LIPI: variants seen among roughly 807,000 people sequenced by gnomAD.
The protein encoded by LIPI is lipase member I.
A neutral mutation model predicts 50.6 loss-of-function variants in LIPI; 59 were observed. That is an observed-to-expected ratio of 1.16 (90% CI 0.94 to 1.45). LIPI has a LOEUF of 1.45. Among genes scored for constraint, LIPI ranks in the 40% most tolerant of loss-of-function variants. LIPI has a pLI of 0.00. For missense variants in LIPI, 586 were observed against 536.3 expected (o/e 1.09, Z -0.92); for synonymous variants, 203 against 178.2 (o/e 1.14, Z -1.11).
Position 14,165,222 on chromosome 21 carries a change from C to T in LIPI, c.901+1G>A. On this transcript the variant is annotated splice_donor_variant, in intron 6 of 9. Transcript: ENST00000681601. LOFTEE classifies it high-confidence loss of function. ...ATAGTAACTATAATAATCTCTCTTA[C>T]CCAGCCGAGGACATGATTTTTCCTT... 1 of 1,600,594 alleles carries T rather than the reference C, an allele frequency of 6.2e-7. No individual in the cohort carries two copies. The highest frequency in any genetic ancestry group is 8.6e-7 in the Non-Finnish European group (1 of 1,168,294).
intron 1 of LIPI, among the ~76,000 whole-genome samples, chr21:14,199,721 G>A (rs1162744569): frequency 1.3e-5 from 2 of 151,438 alleles, no homozygotes; most frequent in Non-Finnish European, 1.5e-5. Context: ...AAAAAATGAG[G>A]AGGAGGGACT....
intron 9 of LIPI, among the ~76,000 whole-genome samples, chr21:14,117,130 C>T (rs1350489302): frequency 3.9e-5 from 6 of 152,266 alleles, no homozygotes; most frequent in Admixed American, 6.5e-5. Flanking sequence ...ATGCAGATGC[C>T]CCTCAGAGAA....
intron 9 of LIPI, among the ~76,000 whole-genome samples, chr21:14,120,337 T>C (rs192608311): frequency 3.3e-5 from 5 of 152,324 alleles, no homozygotes; most frequent in Non-Finnish European, 7.4e-5. Context: ...AGAGCACTAC[T>C]TCTAGCAAAG....
chr21:14,109,168 G>A, intron 9 of LIPI, 88 bp from the exon 10 acceptor site: 1 of 1,003,562 alleles, frequency 1.0e-6, no homozygotes, highest in Non-Finnish European at 1.6e-6. Context: ...TATTAGAATA[G>A]TCCATGCCTG....
At chr21:14,166,101 T>A (rs934672484) in intron 5 of LIPI, among the ~76,000 whole-genome samples, 1 of 152,138 alleles carries the variant, frequency 6.6e-6, no homozygotes, top group African/African-American at 2.4e-5. Flanking sequence ...TTACGACTTC[T>A]CCTAATGTTT....
At chr21:14,116,422 G>A (rs561510179) in intron 9 of LIPI, among the ~76,000 whole-genome samples, 1 of 152,156 alleles carries the variant, frequency 6.6e-6, no homozygotes. Flanking sequence ...GACCCGGTCT[G>A]GTGAATCTGA....
intron 8 of LIPI, among the ~76,000 whole-genome samples, chr21:14,147,641 CAAT>C (rs1380155147): frequency 6.6e-6 from 1 of 152,128 alleles, no homozygotes; most frequent in Non-Finnish European, 1.5e-5. Context: ...TAGAAGAACT[CAAT>C]AATTTGTAAT....
intron 1 of LIPI, among the ~76,000 whole-genome samples, chr21:14,207,801 A>C (rs2020264880): frequency 6.6e-6 from 1 of 152,202 alleles, no homozygotes; most frequent in Admixed American, 6.5e-5. Flanking sequence ...CACGGAAAAA[A>C]ACACAGTGGA....
At chr21:14,188,802 T>A (rs560494593) in intron 2 of LIPI, among the ~76,000 whole-genome samples, 1 of 152,224 alleles carries the variant, frequency 6.6e-6, no homozygotes, top group East Asian at 1.9e-4. Context: ...AATTTTAATA[T>A]AATGTTTTAA....
intron 6 of LIPI, 90 bp from the exon 7 acceptor site, chr21:14,163,613 T>C: frequency 2.7e-6 from 2 of 737,338 alleles, no homozygotes; most frequent in Non-Finnish European, 2.5e-6. Flanking sequence ...GATCAGTGCA[T>C]ATAATCATCA....
rs1437890364 is a variant in LIPI at position 14,171,415 on chromosome 21, C to T, written c.644-4964G>A. On this transcript the variant is annotated intron_variant, in intron 4 of 9. Coordinates refer to ENST00000681601, the MANE Select transcript of LIPI (RefSeq NM_001302998.2). Reference sequence around the variant, plus strand: ...AAGAGCCCGCATCGCCAAGTCAATCCTAAGCCAAAAGAACAAAGTTGGAGG... The same window carrying T: ...AAGAGCCCGCATCGCCAAGTCAATCTTAAGCCAAAAGAACAAAGTTGGAGG... 3.3e-5 allele frequency among the ~76,000 whole-genome samples: 5 copies of T among 151,058 alleles called. No homozygotes were observed. The East Asian group carries it at 9.7e-4, about 29-fold the overall frequency.
chr21:14,137,640 T>C (rs1458010855), intron 9 of LIPI, among the ~76,000 whole-genome samples: 2 of 151,576 alleles, frequency 1.3e-5, no homozygotes, highest in Admixed American at 6.6e-5. Flanking sequence ...AAAAAGGAGG[T>C]AGAGAAAGAG....
At chr21:14,141,689 G>A (rs1289954885) in intron 9 of LIPI, among the ~76,000 whole-genome samples, 2 of 152,148 alleles carry the variant, frequency 1.3e-5, no homozygotes. Context: ...AGTGGTAGCT[G>A]CCCTGGCATT....
At chr21:14,150,645 G>A (rs544694447) in intron 8 of LIPI, among the ~76,000 whole-genome samples, 2 of 152,172 alleles carry the variant, frequency 1.3e-5, no homozygotes, top group African/African-American at 4.8e-5. Flanking sequence ...AATAGATCAT[G>A]TGTGAATGTG....
intron 9 of LIPI, among the ~76,000 whole-genome samples, chr21:14,136,544 TG>T (rs1344858693): frequency 2.0e-5 from 3 of 152,180 alleles, no homozygotes; most frequent in Admixed American, 6.5e-5. Flanking sequence ...CCAGCTCAAC[TG>T]CAATATAGTA....
chr21:14,179,595 G>A (rs1046663204), intron 4 of LIPI, among the ~76,000 whole-genome samples: 2 of 152,116 alleles, frequency 1.3e-5, no homozygotes, highest in East Asian at 1.9e-4. Flanking sequence ...AGGAAGTCAG[G>A]GACCCCAAAT....
At chr21:14,117,691 G>A (rs1186764429) in intron 9 of LIPI, among the ~76,000 whole-genome samples, 1 of 152,172 alleles carries the variant, frequency 6.6e-6, no homozygotes, top group Non-Finnish European at 1.5e-5. Flanking sequence ...CCCAGAAGTG[G>A]CAGGGAATCA....
chr21:14,124,734 G>A (rs1244665191), intron 9 of LIPI, among the ~76,000 whole-genome samples: 1 of 152,182 alleles, frequency 6.6e-6, no homozygotes, highest in East Asian at 1.9e-4. Context: ...GTCCAACTAA[G>A]CCAGGTGATC....
intron 1 of LIPI, among the ~76,000 whole-genome samples, chr21:14,189,983 A>T (rs2019614900): frequency 6.6e-6 from 1 of 152,112 alleles, no homozygotes; most frequent in Non-Finnish European, 1.5e-5. Context: ...CTGTACACAT[A>T]AACTTAACAA....
Sources: gnomAD v4.1 joint callset for allele counts (sites outside exome capture counted in the v4.1 genomes callset) on GRCh38, gnomAD v4.1.1 for gene constraint, MANE v1.5 for transcripts, NCBI Gene and HGNC (gene_info 2026-07-23, HGNC 2026-07-21) for gene names.